Variants in PDE11A observed in about 807,000 individuals in gnomAD.
The protein encoded by PDE11A is phosphodiesterase 11A.
A neutral mutation model predicts 100.5 loss-of-function variants in PDE11A; 100 were observed. That is an observed-to-expected ratio of 1.00 (90% confidence interval 0.85 to 1.18). PDE11A has a LOEUF of 1.18. Ranked by LOEUF, PDE11A falls within the 50% of genes most tolerant of loss-of-function variation. The probability of loss-of-function intolerance (pLI) is 0.00; values close to 1 mark genes in which losing one functional copy is unlikely to be tolerated. For missense variants in PDE11A, 1,141 were observed against 1,152.6 expected, an observed-to-expected ratio of 0.99 and a Z score of 0.15; for synonymous variants, 381 against 420.8, an observed-to-expected ratio of 0.91 and a Z score of 1.16.
At chr2:177,805,520 G>A (rs577812451) in intron 9 of PDE11A, among the ~76,000 whole-genome samples, 43 of 152,142 alleles carry the variant, frequency 2.8e-4, no homozygotes, top group African/African-American at 9.1e-4. Context: ...AAACTAAGTC[G>A]ATTCCAAGGT....
chr2:177,946,109 G>T (rs1361407005), intron 2 of PDE11A, among the ~76,000 whole-genome samples: 1 of 96,172 alleles, frequency 1.0e-5, no homozygotes, highest in Non-Finnish European at 2.1e-5. Context: ...GTGGGGGGGG[G>T]TCAGCCCTCC....
At chr2:177,820,151 A>AAG (rs144786387) in intron 7 of PDE11A, 69 bp downstream of exon 7, 204,807 of 834,760 alleles carry the variant, frequency 0.25, 27,206 homozygotes, top group African/African-American at 0.45. Flanking sequence ...TAAAAAAGAT[A>AAG]TGGGAATATT....
intron 19 of PDE11A, among the ~76,000 whole-genome samples, chr2:177,634,983 G>A (rs2080017510): frequency 6.6e-6 from 1 of 152,156 alleles, no homozygotes; most frequent in African/African-American, 2.4e-5. Context: ...ACACACGGAG[G>A]AACTCTAAAG....
At chr2:178,081,141 G>A (rs1457940872) in intron 2 of PDE11A, among the ~76,000 whole-genome samples, 1 of 152,088 alleles carries the variant, frequency 6.6e-6, no homozygotes, top group South Asian at 2.1e-4. Flanking sequence ...TCACAGCTAC[G>A]TGTTATAAAA....
At chr2:177,841,872 A>G (rs2083496300) in intron 5 of PDE11A, among the ~76,000 whole-genome samples, 1 of 151,010 alleles carries the variant, frequency 6.6e-6, no homozygotes, top group Admixed American at 6.6e-5. Context: ...AAGAAGCTTT[A>G]TTTTCTAAAA....
At chr2:177,829,574 GT>G (rs1291403198) in intron 6 of PDE11A, among the ~76,000 whole-genome samples, 4 of 151,416 alleles carry the variant, frequency 2.6e-5, no homozygotes, top group South Asian at 2.1e-4. Flanking sequence ...CTCCTGAGTA[GT>G]TGGGACTACA....
At chr2:177,772,720 A>AAAAG (rs1207273906) in intron 9 of PDE11A, among the ~76,000 whole-genome samples, 2 of 150,386 alleles carry the variant, frequency 1.3e-5, no homozygotes, top group African/African-American at 4.9e-5. Context: ...ATTTAAAAAA[A>AAAAG]AAAAAAAGCT....
At chr2:177,898,299 T>A in intron 3 of PDE11A, 101 bp from the exon 4 acceptor site, 2 of 767,790 alleles carry the variant, frequency 2.6e-6, no homozygotes, top group Non-Finnish European at 4.3e-6. Context: ...ATATAGTAAA[T>A]CTTTTTGTGT....
intron 17 of PDE11A, among the ~76,000 whole-genome samples, chr2:177,671,875 C>G (rs983597157): frequency 2.0e-5 from 3 of 152,106 alleles, no homozygotes; most frequent in Non-Finnish European, 2.9e-5. Flanking sequence ...CTGTCACTTT[C>G]CTGTTCCCTG....
intron 10 of PDE11A, among the ~76,000 whole-genome samples, chr2:177,764,652 T>A (rs559831618): frequency 4.2e-4 from 64 of 152,346 alleles, no homozygotes; most frequent in African/African-American, 1.4e-3. Flanking sequence ...TCTTTATACA[T>A]TATTCCTGTT....
At chr2:177,726,373 C>T (rs2081599490) in intron 12 of PDE11A, among the ~76,000 whole-genome samples, 2 of 152,120 alleles carry the variant, frequency 1.3e-5, no homozygotes, top group Admixed American at 1.3e-4. Context: ...TGACAGAGTG[C>T]AGGGTGCTGG....
chr2:178,030,361 T>A (rs2086530027), intron 1 of PDE11A, among the ~76,000 whole-genome samples: 1 of 152,134 alleles, frequency 6.6e-6, no homozygotes, highest in Non-Finnish European at 1.5e-5. Flanking sequence ...AAGAGTCCTA[T>A]AAGCTTTAAA....
intron 15 of PDE11A, among the ~76,000 whole-genome samples, chr2:177,693,107 T>C (rs2081064518): frequency 6.6e-6 from 1 of 152,088 alleles, no homozygotes; most frequent in Admixed American, 6.5e-5. Context: ...AATCCAGACT[T>C]CCAGAAACTA....
intron 4 of PDE11A, among the ~76,000 whole-genome samples, chr2:177,889,194 C>T (rs1463899956): frequency 6.6e-6 from 1 of 152,162 alleles, no homozygotes; most frequent in African/African-American, 2.4e-5. Context: ...TATAGGGTCA[C>T]ATTTTCTTTC....
intron 14 of PDE11A, among the ~76,000 whole-genome samples, chr2:177,700,266 T>G (rs893931430): frequency 3.9e-5 from 6 of 152,136 alleles, no homozygotes; most frequent in Non-Finnish European, 7.4e-5. Context: ...CAAGATAGGC[T>G]GGAGGTAAAA....
chr2:177,769,385 G>GAA lies in PDE11A; in HGVS notation c.1738-14_1738-13dup. 9 of 1,504,076 alleles carry GAA rather than the reference G, an allele frequency of 6.0e-6. No individual in the cohort carries two copies. Among genetic ancestry groups the GAA allele is most frequent in the Non-Finnish European group, 8.3e-6 (9 of 1,084,778 alleles). 93.2% of individuals were successfully genotyped at this position (1,504,076 alleles called of 1,614,324 possible). The stretch of plus-strand genomic sequence containing the variant: ...TGGTATGATAGCACCTGATTCAGAA[G>GAA]AAAAAAAAATAATTTTAATAACTAG... On this transcript the variant is annotated splice_polypyrimidine_tract_variant and intron_variant, in intron 9 of 19. Coordinates refer to ENST00000286063, the MANE Select transcript of PDE11A (RefSeq NM_016953.4).
intron 19 of PDE11A, among the ~76,000 whole-genome samples, chr2:177,634,532 C>G (rs145400711): frequency 6.6e-5 from 10 of 151,878 alleles, no homozygotes; most frequent in Non-Finnish European, 1.5e-4. Context: ...GGACTACAGG[C>G]GCCCGCCACC....
In PDE11A at chr2:177,727,657, C is replaced by T. The variant is rs532603598; in HGVS notation, c.2043+1G>A. On this transcript the variant is annotated splice_donor_variant, in intron 12 of 19. Transcript: ENST00000286063. LOFTEE classifies it high-confidence loss of function. ...CTTCCACCATCACTAAGCACACTTA[C>T]GGTTAACATCGCGAACATCAGCTGA... The T allele has an allele frequency of 4.5e-5, 69 of 1,538,818 alleles. No homozygotes were observed. The highest frequency in any genetic ancestry group is 8.2e-5 in the African/African-American group (6 of 73,594).
chr2:177,772,146 C>G (rs559264213), intron 9 of PDE11A, among the ~76,000 whole-genome samples: 1 of 151,850 alleles, frequency 6.6e-6, no homozygotes, highest in African/African-American at 2.4e-5. Context: ...ACTTGTTTTT[C>G]CATAGTTTTC....
Sources: gnomAD v4.1 joint callset for allele counts (sites outside exome capture counted in the v4.1 genomes callset) on GRCh38, gnomAD v4.1.1 for gene constraint, MANE v1.5 for transcripts, NCBI Gene and HGNC (gene_info 2026-07-23, HGNC 2026-07-21) for gene names.